ERICH3: variants seen among roughly 807,000 people sequenced by gnomAD.
ERICH3 encodes the protein glutamate-rich protein 3.
Under a neutral mutation model 131.1 loss-of-function variants are expected in ERICH3, and 126 were observed. The observed-to-expected ratio is 0.96, with a 90% confidence interval of 0.83 to 1.11. The LOEUF is 1.11. Among genes scored for constraint, ERICH3 ranks in the 50% most tolerant of loss-of-function variants. The pLI, the probability that ERICH3 is intolerant of heterozygous loss-of-function variation, is 0.00. For missense variants in ERICH3, 2,050 were observed against 1,810.7 expected, an observed-to-expected ratio of 1.13 and a Z score of -2.40; for synonymous variants, 695 against 644.6, an observed-to-expected ratio of 1.08 and a Z score of -1.18.
chr1:74,673,778 A>G lies in ERICH3; in HGVS notation c.-259T>C, dbSNP rs963257798. On this transcript the variant is annotated 5_prime_UTR_variant, in exon 1 of 15. Coordinates refer to ENST00000326665, the MANE Select transcript of ERICH3 (RefSeq NM_001002912.5). ...GAGGCAAGCGCCCAGGGTCTGGAGA[A>G]GCGGAGGCGCTACTGGAACCGAGCC... 3 of 384,410 alleles carry G rather than the reference A, an allele frequency of 7.8e-6. No homozygotes were observed. Among genetic ancestry groups the G allele is most frequent in the Non-Finnish European group, 1.4e-5 (3 of 219,340 alleles). The allele number at this position is 384,410 out of a possible 1,614,324, so 23.8% of individuals were successfully genotyped here.
chr1:74,610,718 C>G (rs1284340293), intron 9 of ERICH3, among the ~76,000 whole-genome samples: 1 of 151,946 alleles, frequency 6.6e-6, no homozygotes, highest in African/African-American at 2.4e-5. Flanking sequence ...TCTATAGTCT[C>G]CAGCCTTTGT....
intron 7 of ERICH3, chr1:74,624,723 G>T (rs1285083659): frequency 6.6e-6 from 1 of 152,420 alleles, no homozygotes; most frequent in Non-Finnish European, 1.5e-5. Flanking sequence ...ACCTACTCTG[G>T]TGCTTCCTTG....
At chr1:74,635,716 A>G (rs1013504343) in intron 6 of ERICH3, among the ~76,000 whole-genome samples, 1 of 152,130 alleles carries the variant, frequency 6.6e-6, no homozygotes, top group African/African-American at 2.4e-5. Context: ...CTCTATTAAA[A>G]TAAGGGAAAA....
intron 11 of ERICH3, among the ~76,000 whole-genome samples, chr1:74,592,526 T>C (rs930741338): frequency 2.6e-5 from 4 of 152,188 alleles, no homozygotes; most frequent in African/African-American, 7.2e-5. Flanking sequence ...ATATCTACCA[T>C]CTGAATATGG....
chr1:74,605,068 T>C (rs910748801), intron 10 of ERICH3, among the ~76,000 whole-genome samples: 1 of 151,958 alleles, frequency 6.6e-6, no homozygotes, highest in Non-Finnish European at 1.5e-5. Flanking sequence ...CTTCGCTAGG[T>C]CTTCTGGATA....
intron 12 of ERICH3, among the ~76,000 whole-genome samples, chr1:74,583,254 G>A (rs1647210641): frequency 6.6e-6 from 1 of 152,076 alleles, no homozygotes; most frequent in Non-Finnish European, 1.5e-5. Context: ...CAGTATAGGA[G>A]TCTCCCCTTA....
intron 10 of ERICH3, 44 bp downstream of exon 10, chr1:74,606,557 A>C (rs1226468018): frequency 6.5e-7 from 1 of 1,532,126 alleles, no homozygotes; most frequent in Non-Finnish European, 8.8e-7. Flanking sequence ...AAGACAAACG[A>C]AACAGCCACA....
chr1:74,644,719 C>T (rs1646466747), intron 3 of ERICH3, among the ~76,000 whole-genome samples: 1 of 152,092 alleles, frequency 6.6e-6, no homozygotes, highest in East Asian at 1.9e-4. Context: ...AGCCTACACC[C>T]TTTGGCAATA....
chr1:74,619,903 T>C (rs1649139383), intron 8 of ERICH3, among the ~76,000 whole-genome samples: 1 of 152,226 alleles, frequency 6.6e-6, no homozygotes, highest in African/African-American at 2.4e-5. Flanking sequence ...TTTAAGGACA[T>C]GAATTTTATT....
At chr1:74,667,623 A>G (rs1646704285) in intron 1 of ERICH3, among the ~76,000 whole-genome samples, 1 of 152,208 alleles carries the variant, frequency 6.6e-6, no homozygotes, top group Non-Finnish European at 1.5e-5. Context: ...CTGATTTTTA[A>G]ATTCAGAATT....
chr1:74,635,785 C>T (rs961050315), intron 6 of ERICH3, among the ~76,000 whole-genome samples: 3 of 152,106 alleles, frequency 2.0e-5, no homozygotes, highest in African/African-American at 7.2e-5. Context: ...GTGATAAACT[C>T]AGCATTTTTT....
intron 6 of ERICH3, among the ~76,000 whole-genome samples, chr1:74,635,387 T>C (rs1467965461): frequency 6.6e-6 from 1 of 152,202 alleles, no homozygotes; most frequent in Admixed American, 6.6e-5. Context: ...ATTAATATAT[T>C]ATTATTTTTA....
intron 13 of ERICH3, among the ~76,000 whole-genome samples, chr1:74,574,640 G>A (rs1647018731): frequency 6.6e-6 from 1 of 152,182 alleles, no homozygotes; most frequent in Non-Finnish European, 1.5e-5. Flanking sequence ...TCTTCTTAGA[G>A]TACAAGTGTT....
At chr1:74,648,266 C>A (rs945311092) in intron 2 of ERICH3, among the ~76,000 whole-genome samples, 1 of 152,116 alleles carries the variant, frequency 6.6e-6, no homozygotes, top group Non-Finnish European at 1.5e-5. Context: ...AGACTGTTAT[C>A]CAAAGAAGTG....
intron 6 of ERICH3, 32 bp from the exon 7 acceptor site, chr1:74,631,960 TG>T: frequency 6.3e-7 from 1 of 1,576,212 alleles, no homozygotes; most frequent in Non-Finnish European, 8.7e-7. Flanking sequence ...TAAGAACCAG[TG>T]AAACAGAATC....
intron 1 of ERICH3, among the ~76,000 whole-genome samples, chr1:74,651,943 T>C (rs1034420824): frequency 6.6e-6 from 1 of 152,164 alleles, no homozygotes; most frequent in African/African-American, 2.4e-5. Flanking sequence ...AACAAATGTG[T>C]GCACGATGCC....
At chr1:74,623,946 T>G (rs1250838818) in intron 7 of ERICH3, 1 of 152,208 alleles carries the variant, frequency 6.6e-6, no homozygotes, top group Non-Finnish European at 1.5e-5. Flanking sequence ...TACAACTGTA[T>G]GAGTCACATG....
chr1:74,671,313 G>GAA (rs1646741013), intron 1 of ERICH3, among the ~76,000 whole-genome samples: 2 of 152,000 alleles, frequency 1.3e-5, no homozygotes, highest in South Asian at 2.1e-4. Flanking sequence ...TTTGCCCTTT[G>GAA]TCCTGTTCCC....
chr1:74,656,066 C>T (rs1044956289), intron 1 of ERICH3, among the ~76,000 whole-genome samples: 2 of 152,096 alleles, frequency 1.3e-5, no homozygotes, highest in African/African-American at 4.8e-5. Context: ...TGGGTTTTGC[C>T]CAGCAGGCCT....
Sources: allele counts gnomAD v4.1 joint callset (sites outside exome capture counted in the v4.1 genomes callset), GRCh38; gene constraint gnomAD v4.1.1; transcripts MANE v1.5; gene names NCBI Gene and HGNC (gene_info 2026-07-23, HGNC 2026-07-21).